Variants in POT1 observed in about 807,000 individuals in gnomAD.
POT1 encodes protection of telomeres protein 1.
POT1 carries 47 observed loss-of-function variants against 78.5 expected under a neutral mutation model. The ratio of observed to expected loss-of-function variants is 0.60; its 90% CI spans 0.47 to 0.76. The LOEUF (loss-of-function observed/expected upper bound fraction) is 0.76, where lower values mean the gene tolerates loss of function less well. POT1 is among the 30% of genes least tolerant of loss of function. The probability of loss-of-function intolerance (pLI) is 0.00; values close to 1 mark genes in which losing one functional copy is unlikely to be tolerated. For missense variants in POT1, 646 were observed against 749.9 expected (o/e 0.86, Z 1.62); for synonymous variants, 259 against 260.7 (o/e 0.99, Z 0.06).
intron 7 of POT1, among the ~76,000 whole-genome samples, 172 bp downstream of exon 7, chr7:124,870,739 T>A (rs1795847533): frequency 6.6e-6 from 1 of 152,116 alleles, no homozygotes; most frequent in Non-Finnish European, 1.5e-5. Flanking sequence ...ATGAAGATGT[T>A]TCTTACTGTA....
chr7:124,927,870 G>C (rs897401899), intron 2 of POT1, among the ~76,000 whole-genome samples: 7 of 152,194 alleles, frequency 4.6e-5, no homozygotes, highest in African/African-American at 1.7e-4. Context: ...TGCCACTCTA[G>C]TCTAATTGTT....
Position 124,863,651 on chromosome 7 carries a change from A to G in POT1, c.256-11T>C, listed in dbSNP as rs939580214. 6.3e-7 allele frequency: 1 copy of G among 1,589,744 alleles called. No homozygotes were observed. Among genetic ancestry groups the G allele is most frequent in the Non-Finnish European group, 8.6e-7 (1 of 1,167,144 alleles). On this transcript the variant is annotated splice_polypyrimidine_tract_variant and intron_variant, in intron 7 of 18. Coordinates refer to ENST00000357628, the MANE Select transcript of POT1 (RefSeq NM_015450.3). Reference sequence around the variant, plus strand: ...TTTATATACTTGAATCTAAGAAAGTAGGGCAAAGTAGAAAACAGATACAAA... The same window carrying G: ...TTTATATACTTGAATCTAAGAAAGTGGGGCAAAGTAGAAAACAGATACAAA...
chr7:124,895,756 T>C (rs1796477341), intron 5 of POT1, among the ~76,000 whole-genome samples: 1 of 151,662 alleles, frequency 6.6e-6, no homozygotes, highest in African/African-American at 2.4e-5. Context: ...GGGAATGAGA[T>C]AAGCAACAGT....
chr7:124,837,584 A>C (rs1411735132), intron 14 of POT1, among the ~76,000 whole-genome samples: 1 of 152,202 alleles, frequency 6.6e-6, no homozygotes, highest in Non-Finnish European at 1.5e-5. Flanking sequence ...CAATAATAAT[A>C]ATCTTGAAAA....
chr7:124,889,953 T>C (rs1490989345), intron 6 of POT1, among the ~76,000 whole-genome samples: 1 of 152,000 alleles, frequency 6.6e-6, no homozygotes, highest in Non-Finnish European at 1.5e-5. Context: ...AATCAAGTAA[T>C]AATTTTTACT....
chr7:124,844,003 T>C (rs1795095628), intron 12 of POT1, among the ~76,000 whole-genome samples: 1 of 152,200 alleles, frequency 6.6e-6, no homozygotes. Context: ...CTGTGACAAA[T>C]GAGTCTGCCC....
At chr7:124,897,897 TAGG>T (rs976785857) in intron 4 of POT1, among the ~76,000 whole-genome samples, 1 of 151,822 alleles carries the variant, frequency 6.6e-6, no homozygotes, top group African/African-American at 2.4e-5. Flanking sequence ...ACGAATAAAG[TAGG>T]AGAAGGAAAA....
chr7:124,824,227 C>A (rs776987504), intron 18 of POT1, among the ~76,000 whole-genome samples, 153 bp from the exon 19 acceptor site: 24 of 151,774 alleles, frequency 1.6e-4, no homozygotes, highest in Non-Finnish European at 3.2e-4. Context: ...TAACATTATT[C>A]TCTCTTCAAA....
intron 5 of POT1, 70 bp from the exon 6 acceptor site, chr7:124,892,450 A>G: frequency 1.3e-6 from 1 of 764,500 alleles, no homozygotes; most frequent in African/African-American, 1.8e-5. Flanking sequence ...TTATAATCAT[A>G]TTAGCAGCAA....
chr7:124,890,694 T>G (rs1469150610), intron 6 of POT1, among the ~76,000 whole-genome samples: 1 of 151,870 alleles, frequency 6.6e-6, no homozygotes, highest in African/African-American at 2.4e-5. Flanking sequence ...ATCCTTAGCA[T>G]TTTTTAGCAA....
At chr7:124,864,025 C>A (rs1795662560) in intron 7 of POT1, among the ~76,000 whole-genome samples, 1 of 152,068 alleles carries the variant, frequency 6.6e-6, no homozygotes, top group Non-Finnish European at 1.5e-5. Context: ...AAGACCAGAA[C>A]ACTTGAAATA....
intron 6 of POT1, among the ~76,000 whole-genome samples, chr7:124,879,327 G>A (rs1419435586): frequency 6.6e-6 from 1 of 152,132 alleles, no homozygotes; most frequent in African/African-American, 2.4e-5. Flanking sequence ...GAAGCTGAAA[G>A]TGAGCTATCA....
intron 6 of POT1, among the ~76,000 whole-genome samples, chr7:124,890,236 C>T (rs1004003510): frequency 2.0e-5 from 3 of 151,860 alleles, no homozygotes; most frequent in Non-Finnish European, 4.4e-5. Flanking sequence ...AGTAAGAAAA[C>T]TAGAATTATA....
At chr7:124,864,002 GAAT>G (rs1283271870) in intron 7 of POT1, among the ~76,000 whole-genome samples, 5 of 152,066 alleles carry the variant, frequency 3.3e-5, no homozygotes, top group African/African-American at 1.2e-4. Flanking sequence ...AGTGACTTAT[GAAT>G]ATTATAGAAA....
At chr7:124,857,628 G>T (rs778244512) in intron 9 of POT1, among the ~76,000 whole-genome samples, 7 of 152,156 alleles carry the variant, frequency 4.6e-5, no homozygotes, top group Non-Finnish European at 1.0e-4. Flanking sequence ...TGTAACCTGG[G>T]AGAAGAATCT....
intron 14 of POT1, chr7:124,837,277 CA>C (rs1246779066): frequency 1.7e-5 from 3 of 173,058 alleles, no homozygotes; most frequent in African/African-American, 7.2e-5. Context: ...ATAGTCTATT[CA>C]GTAAATTATA....
intron 8 of POT1, among the ~76,000 whole-genome samples, chr7:124,861,289 T>C (rs1428789501): frequency 6.6e-6 from 1 of 152,208 alleles, no homozygotes; most frequent in African/African-American, 2.4e-5. Flanking sequence ...TTTTTAACGA[T>C]TGCCATTCTA....
chr7:124,824,692 G>A (rs1364163998), intron 18 of POT1, among the ~76,000 whole-genome samples: 2 of 151,730 alleles, frequency 1.3e-5, no homozygotes, highest in African/African-American at 4.8e-5. Flanking sequence ...AGATCTGCAA[G>A]TTTCAACATA....
chr7:124,920,770 A>C (rs140893880), intron 2 of POT1, among the ~76,000 whole-genome samples: 15 of 152,224 alleles, frequency 9.9e-5, no homozygotes, highest in Non-Finnish European at 2.1e-4. Context: ...TAATGTGTTC[A>C]CTTATAGCTA....
Sources: gnomAD v4.1 joint callset for allele counts (sites outside exome capture counted in the v4.1 genomes callset) on GRCh38, gnomAD v4.1.1 for gene constraint, MANE v1.5 for transcripts, NCBI Gene and HGNC (gene_info 2026-07-23, HGNC 2026-07-21) for gene names.